The following EXOC4 variants were observed in gnomAD, a reference collection of about 807,000 sequenced individuals.
The protein encoded by EXOC4 is SEC8-like 1.
In EXOC4, 71 loss-of-function variants were observed where a neutral mutation model predicts 107.2. That is an observed-to-expected ratio of 0.66 (90% CI 0.55 to 0.81). The LOEUF is 0.81. Among genes scored for constraint, EXOC4 ranks in the 30% least tolerant of loss-of-function variants. The pLI is 0.00. For missense variants in EXOC4, 1,108 were observed against 1,189.6 expected, an observed-to-expected ratio of 0.93 and a Z score of 1.01; for synonymous variants, 456 against 441.2, an observed-to-expected ratio of 1.03 and a Z score of -0.42.
At chr7:133,778,021 T>TA (rs529158237) in intron 10 of EXOC4, among the ~76,000 whole-genome samples, 1 of 152,138 alleles carries the variant, frequency 6.6e-6, no homozygotes, top group Admixed American at 6.5e-5. Context: ...TTCCATTTTT[T>TA]AAAAAAATGT....
intron 7 of EXOC4, among the ~76,000 whole-genome samples, chr7:133,407,366 C>T (rs1051388584): frequency 6.6e-6 from 1 of 152,200 alleles, no homozygotes; most frequent in Non-Finnish European, 1.5e-5. Context: ...CAGCTTCTCT[C>T]CCCTATTGGA....
At chr7:133,914,332 C>A (rs1322193597) in intron 12 of EXOC4, among the ~76,000 whole-genome samples, 3 of 152,104 alleles carry the variant, frequency 2.0e-5, no homozygotes, top group Non-Finnish European at 4.4e-5. Context: ...GTTGAGTGGG[C>A]TACAGAGGTT....
At chr7:133,442,080 T>C (rs527607189) in intron 7 of EXOC4, among the ~76,000 whole-genome samples, 1 of 152,338 alleles carries the variant, frequency 6.6e-6, no homozygotes, top group African/African-American at 2.4e-5. Flanking sequence ...CCATAAACAA[T>C]GGCAAACCAT....
intron 10 of EXOC4, among the ~76,000 whole-genome samples, chr7:133,694,769 G>A (rs768191255): frequency 6.6e-6 from 1 of 152,080 alleles, no homozygotes; most frequent in Non-Finnish European, 1.5e-5. Context: ...ACTAACTGTA[G>A]TCACCCTATT....
At chr7:133,504,547 G>A (rs1173825414) in intron 9 of EXOC4, among the ~76,000 whole-genome samples, 1 of 152,022 alleles carries the variant, frequency 6.6e-6, no homozygotes, top group Non-Finnish European at 1.5e-5. Context: ...GCGCATTTTT[G>A]CTTTGCTTGA....
intron 10 of EXOC4, among the ~76,000 whole-genome samples, chr7:133,676,488 A>G (rs1459445539): frequency 2.0e-5 from 3 of 152,168 alleles, no homozygotes; most frequent in African/African-American, 7.2e-5. Flanking sequence ...CTTCTTCTAA[A>G]TAGTTTGGCT....
intron 10 of EXOC4, among the ~76,000 whole-genome samples, chr7:133,710,446 G>A (rs1274489923): frequency 6.6e-6 from 1 of 151,848 alleles, no homozygotes; most frequent in African/African-American, 2.4e-5. Context: ...GGATCACGAG[G>A]TCAGGAGATC....
intron 7 of EXOC4, among the ~76,000 whole-genome samples, chr7:133,411,277 C>G (rs538580639): frequency 6.6e-6 from 1 of 152,142 alleles, no homozygotes; most frequent in Non-Finnish European, 1.5e-5. Flanking sequence ...AACTTGATGT[C>G]TTACATCTGT....
chr7:133,377,301 C>T (rs1165404515), intron 7 of EXOC4, among the ~76,000 whole-genome samples: 4 of 152,040 alleles, frequency 2.6e-5, no homozygotes, highest in African/African-American at 9.7e-5. Flanking sequence ...TTGCAGTGAG[C>T]CAAGATTGTG....
chr7:133,673,066 A>G (rs1274926087), intron 10 of EXOC4, among the ~76,000 whole-genome samples: 1 of 152,084 alleles, frequency 6.6e-6, no homozygotes, highest in Non-Finnish European at 1.5e-5. Flanking sequence ...GCCACCCACC[A>G]TCACCCCTCC....
chr7:133,779,774 C>T (rs1392269858), intron 10 of EXOC4, among the ~76,000 whole-genome samples: 4 of 151,982 alleles, frequency 2.6e-5, no homozygotes, highest in Non-Finnish European at 5.9e-5. Flanking sequence ...ATGGACCAAT[C>T]AGCACACTGT....
intron 14 of EXOC4, among the ~76,000 whole-genome samples, chr7:133,939,803 G>C (rs371739493): frequency 2.6e-5 from 4 of 152,130 alleles, no homozygotes; most frequent in Admixed American, 2.0e-4. Flanking sequence ...GGAGGTATCC[G>C]TAAAGGCCCC....
intron 7 of EXOC4, among the ~76,000 whole-genome samples, chr7:133,451,046 A>G (rs1356937833): frequency 6.6e-6 from 1 of 152,166 alleles, no homozygotes; most frequent in Non-Finnish European, 1.5e-5. Flanking sequence ...CAAGAGTGGG[A>G]AAGGCTTTTT....
At chr7:133,423,833 A>T (rs1394876100) in intron 7 of EXOC4, among the ~76,000 whole-genome samples, 1 of 152,066 alleles carries the variant, frequency 6.6e-6, no homozygotes, top group Non-Finnish European at 1.5e-5. Context: ...GAGGGCCCGC[A>T]CTTGGCACAG....
At chr7:133,915,982 C>T (rs909444084) in intron 12 of EXOC4, among the ~76,000 whole-genome samples, 1 of 152,054 alleles carries the variant, frequency 6.6e-6, no homozygotes, top group East Asian at 1.9e-4. Flanking sequence ...ATAAATAGCT[C>T]TCTTATTTAT....
chr7:133,464,104 G>A (rs959669813), intron 7 of EXOC4, among the ~76,000 whole-genome samples: 4 of 152,138 alleles, frequency 2.6e-5, no homozygotes, highest in African/African-American at 9.7e-5. Context: ...ATAATAGTCT[G>A]TTATGTACTA....
chr7:133,679,538 GTCCGTCCATCCA>G (rs1370006800), intron 10 of EXOC4, among the ~76,000 whole-genome samples: 34 of 143,150 alleles, frequency 2.4e-4, no homozygotes, highest in South Asian at 4.8e-4. Context: ...CCATCCGTCC[GTCCGTCCATCCA>G]TCCATCCATC....
At chr7:134,010,854 G>A (rs1794747130) in intron 17 of EXOC4, among the ~76,000 whole-genome samples, 1 of 152,182 alleles carries the variant, frequency 6.6e-6, no homozygotes, top group Non-Finnish European at 1.5e-5. Flanking sequence ...GAAGGATCTG[G>A]AGGGATTCCA....
chr7:133,826,832 C>CA (rs751423280), intron 11 of EXOC4, among the ~76,000 whole-genome samples: 7 of 152,008 alleles, frequency 4.6e-5, no homozygotes, highest in African/African-American at 1.7e-4. Context: ...TTTAAATATA[C>CA]AAAAAATCAA....
Sources: gnomAD v4.1 joint callset for allele counts (sites outside exome capture counted in the v4.1 genomes callset) on GRCh38, gnomAD v4.1.1 for gene constraint, MANE v1.5 for transcripts, NCBI Gene and HGNC (gene_info 2026-07-23, HGNC 2026-07-21) for gene names.